Variants in TBC1D2 observed in about 807,000 individuals in gnomAD.
The protein encoded by TBC1D2 is TBC1 domain family member 2, also known as TBC1 domain family member 2A.
A neutral mutation model predicts 91.1 loss-of-function variants in TBC1D2; 58 were observed. The observed-to-expected ratio is 0.64, with a 90% CI of 0.52 to 0.79. The LOEUF (loss-of-function observed/expected upper bound fraction) is 0.79, where lower values mean the gene tolerates loss of function less well. TBC1D2 is among the 30% of genes least tolerant of loss of function. TBC1D2 has a pLI of 0.00. For missense variants in TBC1D2, 1,080 were observed against 1,208.3 expected (o/e 0.89, Z 1.57); for synonymous variants, 482 against 511.5 (o/e 0.94, Z 0.78).
rs1256285199 is a variant in TBC1D2, at chr9:98,201,681, G to A, written c.2272-17C>T. On this transcript the variant is annotated splice_polypyrimidine_tract_variant and intron_variant, in intron 10 of 12. Coordinates refer to ENST00000465784, the MANE Select transcript of TBC1D2 (RefSeq NM_001267571.2). ...CTGGTCCACCTGGAAGCCAGCGAGAGGGCCTGTCATCTGCAGCCCCAGCGT... is the reference window on the plus strand; with the variant it reads ...CTGGTCCACCTGGAAGCCAGCGAGAAGGCCTGTCATCTGCAGCCCCAGCGT... 6.2e-7 allele frequency: 1 copy of A among 1,602,572 alleles called. No individual in the cohort carries two copies. Among genetic ancestry groups the A allele is most frequent in the Admixed American group, 1.7e-5 (1 of 59,622 alleles).
chr9:98,225,925 T>A lies in TBC1D2; in HGVS notation c.978+3027A>T, dbSNP rs78950269. Among the ~76,000 whole-genome samples the A allele has an allele frequency of 8.6e-3, 1,304 of 152,348 alleles. 28 individuals carry two copies. Among genetic ancestry groups the A allele is most frequent in the African/African-American group, 0.03 (1,242 of 41,586 alleles). ...GCTAGGATAAGACCCCAAATTCCCA[T>A]GTCCTCCTGAAGTTTGAGGTAGACA... On this transcript the variant is annotated intron_variant, in intron 5 of 12. Coordinates refer to ENST00000465784, the MANE Select transcript of TBC1D2 (RefSeq NM_001267571.2).
rs765315011 is a variant in TBC1D2 at position 98,200,409 on chromosome 9, G to C, written c.2458-35C>G. On this transcript the variant is annotated intron_variant, in intron 11 of 12. Transcript: ENST00000465784. ...GAGTGGGGGCTCAGGTAGGGCATGG[G>C]GGGGCCAGGCAGGTCATCCCCGGAG... 2.8e-5 allele frequency: 44 copies of C among 1,565,722 alleles called. No individual in the cohort carries two copies. The East Asian group carries it at 7.4e-4, about 26-fold the overall frequency.
At chr9:98,200,213 G>A (rs1373759856) in intron 12 of TBC1D2, 40 bp downstream of exon 12, 7 of 1,611,284 alleles carry the variant, frequency 4.3e-6, no homozygotes, top group Admixed American at 1.7e-5. Context: ...CCTTGGGGGT[G>A]TGTGAGTGGT....
chr9:98,211,179 T>C lies in TBC1D2; in HGVS notation c.1486-336A>G, dbSNP rs1013111654. 3.3e-5 allele frequency among the ~76,000 whole-genome samples: 5 copies of C among 152,262 alleles called. No individual in the cohort carries two copies. The South Asian group carries it at 8.3e-4, about 25-fold the overall frequency. ...TGTGGCAAGTTACTTAACCTTTCTG[T>C]GCCTTAACTTCTTCATCTGTAAAAT... On this transcript the variant is annotated intron_variant, in intron 7 of 12. Transcript: ENST00000465784.
rs7466667 is a variant in TBC1D2 at position 98,209,754 on chromosome 9, C to T, written c.1674-610G>A. Among the ~76,000 whole-genome samples, 3 of 91,014 alleles carry T rather than the reference C, an allele frequency of 3.3e-5. No homozygotes were observed. In the East Asian group the frequency reaches 9.0e-4, roughly 27 times the overall value. 59.7% of individuals were successfully genotyped at this position (91,014 alleles called of 152,430 possible). On this transcript the variant is annotated intron_variant, in intron 8 of 12. Coordinates refer to ENST00000465784, the MANE Select transcript of TBC1D2 (RefSeq NM_001267571.2). ...CCTTCCTTCTTTCCTTTCCTTCCTT[C>T]CTTTCCTTCCTTCCTTCCTTCCTTC... is the stretch of plus-strand genomic sequence containing the variant.
At chr9:98,207,386 T>C (rs1000191799) in intron 9 of TBC1D2, among the ~76,000 whole-genome samples, 1 of 152,142 alleles carries the variant, frequency 6.6e-6, no homozygotes, top group Non-Finnish European at 1.5e-5. Context: ...TTTGGGAAAA[T>C]ATTTGCAACT....
Position 98,208,888 on chromosome 9 carries a change from G to C in TBC1D2, c.1930C>G (p.Gln644Glu). 6.2e-7 allele frequency: 1 copy of C among 1,614,160 alleles called. No homozygotes were observed. The highest frequency in any genetic ancestry group is 2.2e-5 in the East Asian group (1 of 44,884). Residue 644 changes from glutamine (Q) to glutamate (E), a missense_variant, in exon 9 of 13, where the codon CAG (glutamine) becomes GAG (glutamate). Gln to Glu is a conservative substitution (Grantham distance 29). Coordinates refer to ENST00000465784, the MANE Select transcript of TBC1D2 (RefSeq NM_001267571.2). ...VWRWLVHLRV[Q>E]HLHTPGCYQE... ...TAGCAGCCTGGAGTGTGCAGGTGCTGGACACGGAGGTGGACCAGCCACCTC... is the reference window on the plus strand; with the variant it reads ...TAGCAGCCTGGAGTGTGCAGGTGCTCGACACGGAGGTGGACCAGCCACCTC...
intron 9 of TBC1D2, among the ~76,000 whole-genome samples, chr9:98,207,857 C>T (rs541379383): frequency 1.9e-4 from 29 of 152,320 alleles, no homozygotes; most frequent in African/African-American, 6.7e-4. Flanking sequence ...AAGGCTGCCC[C>T]CTGGGGTTGT....
intron 2 of TBC1D2, among the ~76,000 whole-genome samples, chr9:98,246,658 CAG>C (rs1420963021): frequency 2.6e-5 from 4 of 152,086 alleles, no homozygotes; most frequent in Non-Finnish European, 5.9e-5. Context: ...GAGGTGGAGA[CAG>C]AGTCTTTCCA....
intron 9 of TBC1D2, among the ~76,000 whole-genome samples, chr9:98,206,434 T>G (rs1188640340): frequency 6.6e-6 from 1 of 152,238 alleles, no homozygotes; most frequent in Admixed American, 6.5e-5. Flanking sequence ...CTGTGGCCTG[T>G]GTGCTGCCTC....
intron 3 of TBC1D2, among the ~76,000 whole-genome samples, chr9:98,242,217 A>G (rs1829655472): frequency 6.6e-6 from 1 of 152,050 alleles, no homozygotes; most frequent in Admixed American, 6.5e-5. Context: ...CGAGGTGGGC[A>G]AACCACGAGG....
At position 98,199,341 on chromosome 9, in the gene TBC1D2, C is replaced by G. The variant is rs745721403; in HGVS notation, c.*40G>C. ...GCCTGACCTCCAGTGGGTCTGCCAG[C>G]CAAGGGTGAGGAAGGCTGTGGGGAG... On this transcript the variant is annotated 3_prime_UTR_variant, in exon 13 of 13. Coordinates refer to ENST00000465784, the MANE Select transcript of TBC1D2 (RefSeq NM_001267571.2). The G allele has an allele frequency of 1.2e-6, 2 of 1,609,972 alleles. No homozygotes were observed. Among genetic ancestry groups the G allele is most frequent in the Non-Finnish European group, 1.7e-6 (2 of 1,178,336 alleles).
chr9:98,213,066 G>A, intron 7 of TBC1D2, 42 bp downstream of exon 7: 1 of 1,608,146 alleles, frequency 6.2e-7, no homozygotes. Context: ...CCAGCAGAGG[G>A]GCCAGGGATG....
rs2119047483 is a variant in TBC1D2, at chr9:98,213,097, C to G, written c.1485+11G>C. 6.2e-7 allele frequency: 1 copy of G among 1,613,758 alleles called. No homozygotes were observed. Among genetic ancestry groups the G allele is most frequent in the East Asian group, 2.2e-5 (1 of 44,866 alleles). ...GGATGGAGACGGCTGGAATAGGGCC[C>G]CACCCCGCACCTTCGTCAGAAGGGC... On this transcript the variant is annotated intron_variant, in intron 7 of 12. Coordinates refer to ENST00000465784, the MANE Select transcript of TBC1D2 (RefSeq NM_001267571.2).
rs1828413435 is a variant in TBC1D2, at chr9:98,199,188, A to G, written c.*193T>C. The stretch of plus-strand genomic sequence containing the variant: ...TCCCTGGGTAAGTAAGTGCCTATGA[A>G]GAAGTAGCCCAACCAATGGCTTTGC... On this transcript the variant is annotated 3_prime_UTR_variant, in exon 13 of 13. Transcript: ENST00000465784. 4.6e-6 allele frequency: 3 copies of G among 655,240 alleles called. No individual in the cohort carries two copies. Among genetic ancestry groups the G allele is most frequent in the Non-Finnish European group, 7.8e-6 (3 of 382,436 alleles). 40.6% of individuals were successfully genotyped at this position (655,240 alleles called of 1,614,324 possible). A position where few individuals can be genotyped will look rare whatever the true frequency, so the allele number is the denominator to read the frequency against.
intron 6 of TBC1D2, among the ~76,000 whole-genome samples, chr9:98,219,549 C>T (rs149896154): frequency 6.6e-6 from 1 of 152,218 alleles, no homozygotes; most frequent in East Asian, 1.9e-4. Flanking sequence ...TGGACGCAGA[C>T]AAACCTAGGT....
At chr9:98,220,668 C>T (rs1013674863) in intron 6 of TBC1D2, among the ~76,000 whole-genome samples, 165 bp downstream of exon 6, 4 of 152,172 alleles carry the variant, frequency 2.6e-5, no homozygotes, top group Non-Finnish European at 5.9e-5. Flanking sequence ...AGTGAAGAAG[C>T]GTAGAGCAAT....
At chr9:98,242,006 C>T (rs919674656) in intron 3 of TBC1D2, among the ~76,000 whole-genome samples, 1 of 152,204 alleles carries the variant, frequency 6.6e-6, no homozygotes, top group Non-Finnish European at 1.5e-5. Context: ...CTCCTAGTCA[C>T]TCAAGCAAAT....
In TBC1D2 at chr9:98,251,772, G is replaced by T; in HGVS notation, c.511+13C>A. 6.4e-7 allele frequency: 1 copy of T among 1,571,490 alleles called. No homozygotes were observed. The highest frequency in any genetic ancestry group is 8.6e-7 in the Non-Finnish European group (1 of 1,160,820). ...CCCTGGGTGTGCAGGCAGGAGGGTA[G>T]CCCATTGGGTACCTAGCTCGAGGTG... is the stretch of plus-strand genomic sequence containing the variant. On this transcript the variant is annotated intron_variant, in intron 2 of 12. Transcript: ENST00000465784.
Sources: gnomAD v4.1 joint callset for allele counts (sites outside exome capture counted in the v4.1 genomes callset) on GRCh38, gnomAD v4.1.1 for gene constraint, MANE v1.5 for transcripts, NCBI Gene and HGNC (gene_info 2026-07-23, HGNC 2026-07-21) for gene names.